The following FBLN1 variants were observed in gnomAD, a reference collection of about 807,000 sequenced individuals.
FBLN1 encodes fibulin-1.
Under a neutral mutation model 89.7 loss-of-function variants are expected in FBLN1, and 34 were observed. That is an observed-to-expected ratio of 0.38 (90% CI 0.29 to 0.50). The LOEUF (loss-of-function observed/expected upper bound fraction) is 0.50. FBLN1 is among the 20% of genes least tolerant of loss of function. The pLI is 0.92. For missense variants in FBLN1, 777 were observed against 988.1 expected, an observed-to-expected ratio of 0.79 and a Z score of 2.86; for synonymous variants, 393 against 391.3, an observed-to-expected ratio of 1.00 and a Z score of -0.05.
chr22:45,599,667 C>T (rs1026923536), intron 16 of FBLN1, among the ~76,000 whole-genome samples: 2 of 152,146 alleles, frequency 1.3e-5, no homozygotes, highest in African/African-American at 4.8e-5. Context: ...CCTGTAATCC[C>T]AGCACTTTGG....
In FBLN1 at chr22:45,590,699, G is replaced by A. The variant is rs1328378782; in HGVS notation, c.1973-9608G>A. Reference sequence around the variant, plus strand: ...GGGAGGAGAGTCTGGAGACCTTTAGGAATAGAATCCATTGGCCTCAGTGAT... The same window carrying A: ...GGGAGGAGAGTCTGGAGACCTTTAGAAATAGAATCCATTGGCCTCAGTGAT... On this transcript the variant is annotated intron_variant, in intron 16 of 16. Coordinates refer to ENST00000327858, the MANE Select transcript of FBLN1 (RefSeq NM_006486.3). The surrounding 1 kb of genome is among the most constrained non-coding windows in gnomAD (Gnocchi z 4.1). Among the ~76,000 whole-genome samples the A allele has an allele frequency of 6.6e-6, 1 of 152,136 alleles. No homozygotes were observed. Among genetic ancestry groups the A allele is most frequent in the Non-Finnish European group, 1.5e-5 (1 of 68,022 alleles).
chr22:45,596,820 TATATA>T (rs563289478), intron 16 of FBLN1, among the ~76,000 whole-genome samples: 175 of 126,250 alleles, frequency 1.4e-3, no homozygotes, highest in African/African-American at 6.6e-3. Context: ...TAAATATAAT[TATATA>T]ATAATTATAT....
Position 45,531,447 on chromosome 22 carries a change from G to C in FBLN1, c.544+123G>C. The C allele has an allele frequency of 2.4e-6, 2 of 841,456 alleles. No homozygotes were observed. Among genetic ancestry groups the C allele is most frequent in the East Asian group, 5.0e-5 (2 of 39,996 alleles). The allele number at this position is 841,456 out of a possible 1,614,324, so 52.1% of individuals were successfully genotyped here. On this transcript the variant is annotated intron_variant, in intron 5 of 16. Transcript: ENST00000327858. The surrounding 1 kb of genome is among the most constrained non-coding windows in gnomAD (Gnocchi z 4.9). ...AGGCAGGAGGATTCCTTGAGCCCAG[G>C]AGGTTGTGGCTGCAGTGAGCTATGA...
At chr22:45,514,211 C>T (rs2088139421) in intron 1 of FBLN1, among the ~76,000 whole-genome samples, 1 of 152,216 alleles carries the variant, frequency 6.6e-6, no homozygotes, top group South Asian at 2.1e-4. Context: ...TGTTCCTGCC[C>T]TGTCCCAAGG....
chr22:45,596,249 A>G (rs977503606), intron 16 of FBLN1, among the ~76,000 whole-genome samples: 9 of 152,204 alleles, frequency 5.9e-5, no homozygotes, highest in South Asian at 2.1e-4. Flanking sequence ...TGGGGGTCCT[A>G]CCACGGAGCC....
chr22:45,525,597 G>A lies in FBLN1; in HGVS notation c.240G>A (p.Thr80=), dbSNP rs1225042180. ...AGCTGGAGGAGCTGCACTGTGCCAC[G>A]GGCATCAGCCTGGCCAACGAGCAGG... ...HSQLEELHCA[T]GISLANEQDR... is the part of the protein sequence containing the mutation. The change falls in exon 3 of 17, where the codon ACG becomes ACA. Residue 80 remains threonine, a synonymous_variant. Coordinates refer to ENST00000327858, the MANE Select transcript of FBLN1 (RefSeq NM_006486.3). 21 of 1,550,436 alleles carry A rather than the reference G, an allele frequency of 1.4e-5. No homozygotes were observed. Among genetic ancestry groups the A allele is most frequent in the African/African-American group, 2.7e-5 (2 of 73,034 alleles).
chr22:45,505,033 C>A (rs1160143341), intron 1 of FBLN1, among the ~76,000 whole-genome samples: 2 of 152,182 alleles, frequency 1.3e-5, no homozygotes, highest in African/African-American at 4.8e-5. Context: ...GCTGTGGGGC[C>A]GCAGATGGTG....
intron 3 of FBLN1, among the ~76,000 whole-genome samples, chr22:45,527,501 T>C (rs771977438): frequency 3.5e-4 from 53 of 151,998 alleles, no homozygotes; most frequent in Non-Finnish European, 6.5e-4. Context: ...CATGGTGCTA[T>C]AAGAAGCTCC....
At chr22:45,570,755 A>G (rs747588204) in intron 14 of FBLN1, among the ~76,000 whole-genome samples, 6 of 152,224 alleles carry the variant, frequency 3.9e-5, no homozygotes, top group African/African-American at 7.2e-5. Flanking sequence ...GAAATAACAC[A>G]TAGCGTACCT....
In FBLN1 at chr22:45,588,863, TC is replaced by T. The variant is rs2089111001; in HGVS notation, c.1973-11442del. 9.3e-5 allele frequency among the ~76,000 whole-genome samples: 14 copies of T among 149,808 alleles called. No individual in the cohort carries two copies. Among genetic ancestry groups the T allele is most frequent in the Admixed American group, 9.3e-4 (14 of 15,044 alleles). On this transcript the variant is annotated intron_variant, in intron 16 of 16. Transcript: ENST00000327858. This position sits in a 1 kb window ranked among gnomAD's most constrained non-coding sequence, Gnocchi z 5.1. ...ATGATATGAATCTTTTGGCGGCCTC[TC>T]CTAACCGTCTTTAAATCTGCGAAAG...
At chr22:45,526,077 C>G (rs1052013492) in intron 3 of FBLN1, among the ~76,000 whole-genome samples, 4 of 152,222 alleles carry the variant, frequency 2.6e-5, no homozygotes, top group African/African-American at 9.6e-5. Context: ...TACCCACAGA[C>G]TCGTCAGGGT....
chr22:45,540,050 A>G (rs2088535069), intron 8 of FBLN1, among the ~76,000 whole-genome samples: 1 of 152,244 alleles, frequency 6.6e-6, no homozygotes, highest in Admixed American at 6.5e-5. Context: ...TGAGCAATGC[A>G]TAACAGAGTG....
At chr22:45,553,643 C>T (rs556963084) in intron 14 of FBLN1, among the ~76,000 whole-genome samples, 19 of 152,328 alleles carry the variant, frequency 1.2e-4, no homozygotes, top group Admixed American at 2.6e-4. Flanking sequence ...AAGCACATAG[C>T]GGGTGCCCCA....
At position 45,572,389 on chromosome 22, in the gene FBLN1, A is replaced by C. The variant is rs1024531020; in HGVS notation, c.1698-2122A>C. ...CAAAGGATAAAAATTGCAGAGGATCAAACCTCATCGGAGTGGCTTCCATCA... is the reference window on the plus strand; with the variant it reads ...CAAAGGATAAAAATTGCAGAGGATCCAACCTCATCGGAGTGGCTTCCATCA... On this transcript the variant is annotated intron_variant, in intron 14 of 16. Coordinates refer to ENST00000327858, the MANE Select transcript of FBLN1 (RefSeq NM_006486.3). The surrounding 1 kb of genome is among the most constrained non-coding windows in gnomAD (Gnocchi z 5.8). 6.6e-6 allele frequency among the ~76,000 whole-genome samples: 1 copy of C among 152,234 alleles called. No individual in the cohort carries two copies. Among genetic ancestry groups the C allele is most frequent in the African/African-American group, 2.4e-5 (1 of 41,462 alleles).
chr22:45,502,915 C>A lies in FBLN1; in HGVS notation c.-71C>A, dbSNP rs2087963098. On this transcript the variant is annotated 5_prime_UTR_variant, in exon 1 of 17. Transcript: ENST00000327858. ...GCCGAGGCTCGGCCGGAGCGTGGAG[C>A]CCGCGCCGCTGCCCCAGGACCGCGC... 1.3e-5 allele frequency: 8 copies of A among 595,152 alleles called. No individual in the cohort carries two copies. The highest frequency in any genetic ancestry group is 1.7e-5 in the Non-Finnish European group (8 of 465,588). 36.9% of individuals were successfully genotyped at this position (595,152 alleles called of 1,614,324 possible).
At position 45,600,482 on chromosome 22, in the gene FBLN1, A is replaced by G; in HGVS notation, c.*36A>G. 1 of 1,613,690 alleles carries G rather than the reference A, an allele frequency of 6.2e-7. No individual in the cohort carries two copies. The highest frequency in any genetic ancestry group is 8.5e-7 in the Non-Finnish European group (1 of 1,179,602). On this transcript the variant is annotated 3_prime_UTR_variant, in exon 17 of 17. Coordinates refer to ENST00000327858, the MANE Select transcript of FBLN1 (RefSeq NM_006486.3). ...GCCGCACAGCCGCAGGTGCACCTCC[A>G]GGCCAAATCATTGCTGCCAGTGACT...
intron 1 of FBLN1, among the ~76,000 whole-genome samples, chr22:45,504,994 A>G (rs757363383): frequency 2.0e-5 from 3 of 152,224 alleles, no homozygotes. Flanking sequence ...ATGTAAGGCC[A>G]CAAGTGGCAC....
intron 14 of FBLN1, among the ~76,000 whole-genome samples, chr22:45,558,873 C>T (rs2088820185): frequency 6.6e-6 from 1 of 152,234 alleles, no homozygotes; most frequent in African/African-American, 2.4e-5. Flanking sequence ...TTTCCATCCT[C>T]TGGCATGCAA....
rs2088985560 is a variant in FBLN1 at position 45,575,148 on chromosome 22, G to T, written c.1840+495G>T. Among the ~76,000 whole-genome samples, 1 of 152,096 alleles carries T rather than the reference G, an allele frequency of 6.6e-6. No individual in the cohort carries two copies. The highest frequency in any genetic ancestry group is 2.1e-4 in the South Asian group (1 of 4,816). ...CACCCACCTGGCACAGCAGCATTTG[G>T]CCCATTCTCAGCTTTCCGTTCAGGT... On this transcript the variant is annotated intron_variant, in intron 15 of 16. Coordinates refer to ENST00000327858, the MANE Select transcript of FBLN1 (RefSeq NM_006486.3). The surrounding 1 kb of genome is among the most constrained non-coding windows in gnomAD (Gnocchi z 6.3).
Sources: gnomAD v4.1 joint callset for allele counts (sites outside exome capture counted in the v4.1 genomes callset) on GRCh38, gnomAD v4.1.1 for gene constraint, Gnocchi (gnomAD v3.1) non-coding constraint, MANE v1.5 for transcripts, NCBI Gene and HGNC (gene_info 2026-07-23, HGNC 2026-07-21) for gene names.